MUC5B: variants seen among roughly 807,000 people sequenced by gnomAD.
MUC5B encodes mucin 5B, oligomeric mucus/gel-forming.
A neutral mutation model predicts 376.9 loss-of-function variants in MUC5B; 116 were observed. That is an observed-to-expected ratio of 0.31 (90% confidence interval 0.26 to 0.36). The LOEUF is 0.36. Ranked by LOEUF, MUC5B falls within the 10% of genes least tolerant of loss-of-function variation. The probability of loss-of-function intolerance (pLI) is 1.00; values close to 1 mark genes in which losing one functional copy is unlikely to be tolerated. For missense variants in MUC5B, 7,165 were observed against 7,769.9 expected (o/e 0.92, Z 2.93); for synonymous variants, 3,517 against 3,390.9 (o/e 1.04, Z -1.29).
intron 1 of MUC5B, chr11:1,223,491 A>G: frequency 2.4e-6 from 1 of 416,778 alleles, no homozygotes; most frequent in Non-Finnish European, 4.6e-6. Flanking sequence ...GGGGTGGGAC[A>G]GGAGTGGGCA....
At position 1,254,720 on chromosome 11, in the gene MUC5B, C is replaced by G. The variant is rs1330219511; in HGVS notation, c.15504C>G (p.Ser5168Arg). ...GLILFDQIPV[S>R]SGFSKNGVLV... ...TCCTGTTTGACCAAATTCCGGTGAG[C>G]AGCGGTTTCAGCAAGAACGGCGTGC... The change falls in exon 35 of 49, where the codon AGC (serine) becomes AGG (arginine). Residue 5168 changes from serine (S) to arginine (R), a missense_variant. This residue lies in a region of MUC5B where 842 missense variants were observed against 1,016.9 expected (regional missense o/e 0.83). Coordinates refer to ENST00000529681, the MANE Select transcript of MUC5B (RefSeq NM_002458.3). 1 of 1,612,764 alleles carries G rather than the reference C, an allele frequency of 6.2e-7. No individual in the cohort carries two copies. The highest frequency in any genetic ancestry group is 1.7e-5 in the Admixed American group (1 of 59,996).
rs758698946 is a variant in MUC5B, at chr11:1,242,240, A to G, written c.5360A>G (p.Lys1787Arg). The change falls in exon 31 of 49, where the codon AAG becomes AGG. Residue 1787 changes from lysine (K) to arginine (R), a missense_variant. Coordinates refer to ENST00000529681, the MANE Select transcript of MUC5B (RefSeq NM_002458.3). Reference sequence around the variant, plus strand: ...CAGGGCACGACCCGCTGTCAACCGAAGTGTGAGTGGACAGAGTGGTTTGAC... The same window carrying G: ...CAGGGCACGACCCGCTGTCAACCGAGGTGTGAGTGGACAGAGTGGTTTGAC... The part of the protein sequence containing the change: ...TSQGTTRCQP[K>R]CEWTEWFDVD... 34 of 1,613,812 alleles carry G rather than the reference A, an allele frequency of 2.1e-5. No homozygotes were observed. The highest frequency in any genetic ancestry group is 2.6e-5 in the Non-Finnish European group (31 of 1,179,862).
chr11:1,229,229 TG>T lies in MUC5B; in HGVS notation c.1037del (p.Cys346SerfsTer126). On this transcript the variant is annotated frameshift_variant, in exon 9 of 49. Transcript: ENST00000529681. LOFTEE classifies it high-confidence loss of function. ...QECGSPCTDT[C>X]SNPQRAQLCE... ...GTGTGGCTCACCCTGCACGGACACC[TG>T]CTCCAACCCCCAGCGCGCGCAGCTC... 6.3e-7 allele frequency: 1 copy of T among 1,599,674 alleles called. No individual in the cohort carries two copies.
chr11:1,251,469 C>T lies in MUC5B; in HGVS notation c.14589C>T (p.Ser4863=), dbSNP rs1382957852. Residue 4863 remains serine (S), a synonymous_variant, in exon 31 of 49, where the codon TCC becomes TCT. Coordinates refer to ENST00000529681, the MANE Select transcript of MUC5B (RefSeq NM_002458.3). ...TIATVMVPTG[S]TATASSTLGT... ...CCACCGTGATGGTGCCCACCGGTTC[C>T]ACGGCCACCGCCTCCTCCACTCTGG... 1.9e-6 allele frequency: 3 copies of T among 1,612,446 alleles called. No homozygotes were observed. In the Admixed American group the frequency reaches 5.0e-5, roughly 27 times the overall value.
At position 1,235,091 on chromosome 11, in the gene MUC5B, C is replaced by T. The variant is rs752462754; in HGVS notation, c.2637C>T (p.Cys879=). The T allele has an allele frequency of 1.2e-6, 2 of 1,609,948 alleles. No individual in the cohort carries two copies. Among genetic ancestry groups the T allele is most frequent in the Admixed American group, 1.7e-5 (1 of 59,726 alleles). The change falls in exon 22 of 49, where the codon TGC becomes TGT. Residue 879 remains cysteine (C), a synonymous_variant. Transcript: ENST00000529681. ...TIRVDCNTCT[C]RNRRWECSHR... ...CCATTGTGGCCCCTTGCAGCACCTGCAGGAACCGGAGGTGGGAGTGCAGCC... is the reference window on the plus strand; with the variant it reads ...CCATTGTGGCCCCTTGCAGCACCTGTAGGAACCGGAGGTGGGAGTGCAGCC...
chr11:1,238,584 A>G (rs1862204448), intron 25 of MUC5B, among the ~76,000 whole-genome samples: 1 of 152,174 alleles, frequency 6.6e-6, no homozygotes. Flanking sequence ...AGGCAGGCAG[A>G]TGGGCAGGTG....
chr11:1,244,175 C>G lies in MUC5B; in HGVS notation c.7295C>G (p.Thr2432Arg). Residue 2432 changes from threonine (T) to arginine (R), a missense_variant, in exon 31 of 49, where the codon ACG becomes AGG. By Grantham distance (71) the Thr-to-Arg change is moderately conservative. Transcript: ENST00000529681. ...STAMPSSTPGTTWILTELTTT... is the reference protein window; with the variant it reads ...STAMPSSTPGRTWILTELTTT... The stretch of plus-strand genomic sequence containing the variant: ...GCCATGCCCTCCTCCACTCCGGGGA[C>G]GACCTGGATCCTCACAGAGCTGACC... 6.2e-7 allele frequency: 1 copy of G among 1,613,386 alleles called. No homozygotes were observed.
Position 1,234,723 on chromosome 11 carries a change from G to C in MUC5B, c.2630+43G>C. ...CGGAGGCAGCAGGTGGGGAGGGCGG[G>C]GGCGGGGAGGGCAGCGGGTGGGGAG... On this transcript the variant is annotated intron_variant, in intron 21 of 48. Coordinates refer to ENST00000529681, the MANE Select transcript of MUC5B (RefSeq NM_002458.3). This position sits in a 1 kb window ranked among gnomAD's most constrained non-coding sequence, Gnocchi z 6.3. 3 of 1,010,260 alleles carry C rather than the reference G, an allele frequency of 3.0e-6. No individual in the cohort carries two copies. Among genetic ancestry groups the C allele is most frequent in the Non-Finnish European group, 4.2e-6 (3 of 712,764 alleles). The allele number at this position is 1,010,260 out of a possible 1,614,324, so 62.6% of individuals were successfully genotyped here. A position where few individuals can be genotyped will look rare whatever the true frequency, so the allele number is the denominator to read the frequency against.
In MUC5B at chr11:1,246,751, G is replaced by A. The variant is rs574013648; in HGVS notation, c.9871G>A (p.Gly3291Ser). ...CACGACCACCACAACCAGGGCCACCGGCTCTGTGGCCACCCCCTCCTCCAC... is the reference window on the plus strand; with the variant it reads ...CACGACCACCACAACCAGGGCCACCAGCTCTGTGGCCACCCCCTCCTCCAC... ...TTTTTTTRATGSVATPSSTPG... is the reference protein window; with the variant it reads ...TTTTTTTRATSSVATPSSTPG... The change falls in exon 31 of 49, where the codon GGC becomes AGC. Residue 3291 changes from glycine (G) to serine (S), a missense_variant. Gly to Ser is a moderately conservative substitution (Grantham distance 56). Around this residue, in one of 31 missense-constraint regions of MUC5B, gnomAD observed 939 missense variants for 770.6 expected, o/e 1.22. Transcript: ENST00000529681. 1.7e-5 allele frequency: 27 copies of A among 1,608,188 alleles called. 2 individuals carry two copies. The highest frequency in any genetic ancestry group is 1.1e-4 in the African/African-American group (8 of 73,996).
In MUC5B at chr11:1,244,261, A is replaced by G. The variant is rs766652228; in HGVS notation, c.7381A>G (p.Thr2461Ala). 26 of 1,610,126 alleles carry G rather than the reference A, an allele frequency of 1.6e-5. No individual in the cohort carries two copies. In the African/African-American group the frequency reaches 3.4e-4, roughly 21 times the overall value. ...GGCCACCCCGTCCTCCACCCCAGGG[A>G]CCACCTGGATCCTCACAGAGCCGAG... ...STATPSSTPG[T>A]TWILTEPSTT... Residue 2461 changes from threonine to alanine, a missense_variant, in exon 31 of 49, where the codon ACC becomes GCC. Around this residue, in one of 31 missense-constraint regions of MUC5B, gnomAD observed 194 missense variants for 268.5 expected, o/e 0.72. Coordinates refer to ENST00000529681, the MANE Select transcript of MUC5B (RefSeq NM_002458.3).
chr11:1,230,908 C>A, intron 12 of MUC5B, 28 bp from the exon 13 acceptor site: 1 of 1,564,590 alleles, frequency 6.4e-7, no homozygotes, highest in Non-Finnish European at 8.7e-7. Flanking sequence ...CTCCCCAGAG[C>A]TGACCTCCCG....
At position 1,232,437 on chromosome 11, in the gene MUC5B, G is replaced by A. The variant is rs886916907; in HGVS notation, c.1844-13G>A. The A allele has an allele frequency of 1.4e-5, 23 of 1,596,384 alleles. No homozygotes were observed. Among genetic ancestry groups the A allele is most frequent in the Non-Finnish European group, 1.8e-5 (21 of 1,172,778 alleles). ...GGGCAGGGCGTGGAGATGAGGTCAG[G>A]TCTTCCCCACAGAGAACTACGCCCG... On this transcript the variant is annotated splice_polypyrimidine_tract_variant and intron_variant, in intron 15 of 48. Transcript: ENST00000529681.
Position 1,239,526 on chromosome 11 carries a change from C to T in MUC5B, c.3543C>T (p.Asn1181=), listed in dbSNP as rs750723324. 6.2e-7 allele frequency: 1 copy of T among 1,600,710 alleles called. No individual in the cohort carries two copies. Among genetic ancestry groups the T allele is most frequent in the Admixed American group, 1.7e-5 (1 of 59,044 alleles). The change falls in exon 27 of 49, where the codon AAC becomes AAT. Residue 1181 remains asparagine, a synonymous_variant. Coordinates refer to ENST00000529681, the MANE Select transcript of MUC5B (RefSeq NM_002458.3). ...CGAPCLKTCR[N]PSGHCLVDLP... ...CACCCTGCCTAAAAACCTGCCGGAA[C>T]CCCAGTGGGCACTGCCTGGTGGACC...
intron 46 of MUC5B, 32 bp downstream of exon 46, chr11:1,260,117 AG>A (rs1205358986): frequency 1.9e-6 from 3 of 1,608,244 alleles, no homozygotes; most frequent in Non-Finnish European, 2.5e-6. Flanking sequence ...CCTGCCTGGG[AG>A]TCCTTGTCCA....
intron 35 of MUC5B, 40 bp from the exon 36 acceptor site, chr11:1,255,001 T>A: frequency 6.5e-7 from 1 of 1,534,864 alleles, no homozygotes; most frequent in Admixed American, 1.9e-5. Flanking sequence ...TGTGAAAGGC[T>A]CCCCAGATTC....
Position 1,246,749 on chromosome 11 carries a change from C to A in MUC5B, c.9869C>A (p.Thr3290Asn). Residue 3290 changes from threonine to asparagine, a missense_variant, in exon 31 of 49, where the codon ACC becomes AAC. By Grantham distance (65) the Thr-to-Asn change is moderately conservative (BLOSUM62 0). This residue lies in a region of MUC5B where 939 missense variants were observed against 770.6 expected (regional missense o/e 1.22). Transcript: ENST00000529681. ...LTTTTTTTRA[T>N]GSVATPSSTP... ...ACCACGACCACCACAACCAGGGCCA[C>A]CGGCTCTGTGGCCACCCCCTCCTCC... The A allele has an allele frequency of 6.2e-7, 1 of 1,609,860 alleles. No individual in the cohort carries two copies. The highest frequency in any genetic ancestry group is 1.1e-5 in the South Asian group (1 of 90,926).
intron 13 of MUC5B, 77 bp downstream of exon 13, chr11:1,231,082 C>T (rs528126865): frequency 2.0e-5 from 28 of 1,398,562 alleles, no homozygotes; most frequent in African/African-American, 8.6e-5. Flanking sequence ...GGGCAGCGTC[C>T]GCTCCATCCC....
At chr11:1,238,455 G>A (rs376198776) in intron 25 of MUC5B, among the ~76,000 whole-genome samples, 4 of 152,218 alleles carry the variant, frequency 2.6e-5, no homozygotes, top group South Asian at 2.1e-4. Context: ...CGACTGCAGC[G>A]GAGGGAGGTG....
In MUC5B at chr11:1,244,096, G is replaced by A; in HGVS notation, c.7216G>A (p.Val2406Met). Residue 2406 changes from valine (V) to methionine (M), a missense_variant, in exon 31 of 49, where the codon GTG becomes ATG. By Grantham distance (21) the Val-to-Met change is conservative. Around this residue, in one of 31 missense-constraint regions of MUC5B, gnomAD observed 194 missense variants for 268.5 expected, o/e 0.72. Coordinates refer to ENST00000529681, the MANE Select transcript of MUC5B (RefSeq NM_002458.3). ...FKMCFNYEIR[V>M]FCCNYGHCPS... Reference sequence around the variant, plus strand: ...GATGTGCTTCAACTATGAAATCCGTGTGTTCTGCTGCAACTACGGCCACTG... The same window carrying A: ...GATGTGCTTCAACTATGAAATCCGTATGTTCTGCTGCAACTACGGCCACTG... 5.0e-6 allele frequency: 8 copies of A among 1,595,526 alleles called. 1 individual carries two copies. The highest frequency in any genetic ancestry group is 6.9e-6 in the Non-Finnish European group (8 of 1,165,608).
Sources: allele counts gnomAD v4.1 joint callset (sites outside exome capture counted in the v4.1 genomes callset), GRCh38; gene constraint gnomAD v4.1.1; regional missense constraint gnomAD v4.1.1; non-coding constraint Gnocchi (gnomAD v3.1); transcripts MANE v1.5; gene names NCBI Gene and HGNC (gene_info 2026-07-23, HGNC 2026-07-21).